RNF212: variants seen among roughly 807,000 people sequenced by gnomAD.
RNF212 encodes the protein probable E3 SUMO-protein ligase RNF212.
A neutral mutation model predicts 34.7 loss-of-function variants in RNF212; 33 were observed. The observed-to-expected ratio is 0.95, with a 90% CI of 0.72 to 1.27. The LOEUF (loss-of-function observed/expected upper bound fraction) is 1.27, where lower values mean the gene tolerates loss of function less well. RNF212 is among the 50% of genes most tolerant of loss of function. The pLI is 0.00. For missense variants in RNF212, 377 were observed against 362.2 expected, an observed-to-expected ratio of 1.04 and a Z score of -0.33; for synonymous variants, 140 against 136.1, an observed-to-expected ratio of 1.03 and a Z score of -0.20.
intron 4 of RNF212, among the ~76,000 whole-genome samples, chr4:1,089,927 C>T (rs986286838): frequency 2.0e-5 from 3 of 152,100 alleles, no homozygotes; most frequent in South Asian, 4.2e-4. Context: ...TATAAATTAC[C>T]GAATCTCAGG....
chr4:1,057,578 C>T (rs1292123139), intron 4 of RNF212, among the ~76,000 whole-genome samples: 1 of 152,144 alleles, frequency 6.6e-6, no homozygotes, highest in East Asian at 1.9e-4. Flanking sequence ...ACTGCCTGCC[C>T]CGGCCTTCTC....
intron 6 of RNF212, 46 bp downstream of exon 6, chr4:1,081,521 A>T (rs758371556): frequency 1.9e-6 from 3 of 1,605,286 alleles, no homozygotes; most frequent in Middle Eastern, 1.7e-4. Flanking sequence ...GTGACTCAGC[A>T]ACATGCATCT....
intron 2 of RNF212, among the ~76,000 whole-genome samples, chr4:1,099,406 G>C (rs1013685768): frequency 6.6e-6 from 1 of 152,196 alleles, no homozygotes; most frequent in African/African-American, 2.4e-5. Flanking sequence ...AGGGAAGAGG[G>C]GGAAATGGGG....
intron 7 of RNF212, among the ~76,000 whole-genome samples, chr4:1,080,770 C>G (rs1720207983): frequency 6.6e-6 from 1 of 152,208 alleles, no homozygotes; most frequent in African/African-American, 2.4e-5. Flanking sequence ...CTGTCCAGGA[C>G]CTGTAAGTAA....
intron 3 of RNF212, among the ~76,000 whole-genome samples, chr4:1,095,859 C>G (rs71604351): frequency 1.1e-3 from 56 of 52,018 alleles, no homozygotes; most frequent in Admixed American, 2.3e-3. Context: ...ACAGAACCAA[C>G]CACACCCCCC....
chr4:1,085,908 T>C lies in RNF212; in HGVS notation c.350A>G (p.Glu117Gly), dbSNP rs1307423835. The C allele has an allele frequency of 6.2e-7, 1 of 1,612,276 alleles. No homozygotes were observed. Among genetic ancestry groups the C allele is most frequent in the Non-Finnish European group, 8.5e-7 (1 of 1,178,906 alleles). Residue 117 changes from glutamate (E) to glycine (G), a missense_variant, in exon 5 of 10, where the codon GAA (glutamate) becomes GGA (glycine). Physicochemically the swap from Glu to Gly is moderately conservative, Grantham distance 98. Coordinates refer to ENST00000433731, the MANE Select transcript of RNF212 (RefSeq NM_001131034.4). ...TGGGGCGCCTTACCTTTGTAGTTGT[T>C]CTATCTGCAGCACTGACTTCCTAAG... ...ESLRKSVLQI[E>G]QLQSMRSSQQ...
chr4:1,058,423 C>T (rs1014708170), intron 3 of RNF212: 1 of 925,164 alleles, frequency 1.1e-6, no homozygotes, highest in Non-Finnish European at 1.3e-6. Flanking sequence ...AAACATGAGT[C>T]GTTCATGTTA....
chr4:1,056,467 C>T (rs1717336492), exon 5 of RNF212: 2 of 981,652 alleles, frequency 2.0e-6, no homozygotes, highest in Non-Finnish European at 1.2e-6. Flanking sequence ...GCGGTAAAAA[C>T]ACAACTTTGT....
downstream of RNF212, among the ~76,000 whole-genome samples, chr4:1,066,488 C>A (rs1718104203): frequency 6.6e-6 from 1 of 151,966 alleles, no homozygotes; most frequent in South Asian, 2.1e-4. Context: ...GCCCCCATGC[C>A]TAACTACTTT....
intron 3 of RNF212, among the ~76,000 whole-genome samples, chr4:1,063,504 A>G (rs2153033029): frequency 6.6e-6 from 1 of 152,170 alleles, no homozygotes. Context: ...TGAGGTCAGG[A>G]GTTTGAGACC....
At chr4:1,105,918 G>A (rs1434849469) in intron 2 of RNF212, among the ~76,000 whole-genome samples, 1 of 152,224 alleles carries the variant, frequency 6.6e-6, no homozygotes, top group African/African-American at 2.4e-5. Context: ...GAAGACCCTG[G>A]CTCCTGCAGG....
chr4:1,113,331 C>A (rs1218467388), intron 1 of RNF212, 25 bp downstream of exon 1: 1 of 1,530,788 alleles, frequency 6.5e-7, no homozygotes, highest in Admixed American at 1.9e-5. Context: ...CTCCCCTCTC[C>A]AGCCTGCGTT....
chr4:1,073,268 G>A, intron 9 of RNF212, 75 bp from the exon 10 acceptor site: 2 of 1,543,210 alleles, frequency 1.3e-6, no homozygotes, highest in South Asian at 2.5e-5. Context: ...CTGAGGGTGA[G>A]GGAGGGATTC....
In RNF212 at chr4:1,085,926, T is replaced by G. The variant is rs756119972; in HGVS notation, c.332A>C (p.Lys111Thr). The change falls in exon 5 of 10, where the codon AAG becomes ACG. Residue 111 changes from lysine (K) to threonine (T), a missense_variant. Physicochemically the swap from Lys to Thr is moderately conservative, Grantham distance 78 (BLOSUM62 -1). Coordinates refer to ENST00000433731, the MANE Select transcript of RNF212 (RefSeq NM_001131034.4). The part of the protein sequence containing the change: ...KISRLEESLR[K>T]SVLQIEQLQS... ...TAGTTGTTCTATCTGCAGCACTGAC[T>G]TCCTAAGGGATTCTTCCAACCTAGA... 6.2e-7 allele frequency: 1 copy of G among 1,612,256 alleles called. No homozygotes were observed. The highest frequency in any genetic ancestry group is 1.1e-5 in the South Asian group (1 of 91,060).
chr4:1,102,872 T>A (rs1207323232), intron 2 of RNF212, among the ~76,000 whole-genome samples: 24 of 136,618 alleles, frequency 1.8e-4, no homozygotes, highest in Admixed American at 6.2e-4. Context: ...CCGGGCACGG[T>A]GGCTCACACC....
chr4:1,108,792 C>T (rs1043097428), intron 1 of RNF212, among the ~76,000 whole-genome samples: 6 of 152,098 alleles, frequency 3.9e-5, no homozygotes, highest in South Asian at 2.1e-4. Flanking sequence ...TTGACACCCC[C>T]GGGCTCAACA....
chr4:1,101,679 G>T, intron 2 of RNF212: 1 of 204,158 alleles, frequency 4.9e-6, no homozygotes, highest in East Asian at 1.2e-4. Context: ...AACCTCTACT[G>T]AGTGTCATCC....
At chr4:1,077,929 T>A (rs993288825) in intron 8 of RNF212, among the ~76,000 whole-genome samples, 2 of 152,154 alleles carry the variant, frequency 1.3e-5, no homozygotes, top group African/African-American at 4.8e-5. Context: ...AGAGGTGAGC[T>A]GGGCAGGGAG....
intron 2 of RNF212, chr4:1,099,692 C>G (rs560322358): frequency 1.3e-5 from 6 of 456,042 alleles, no homozygotes; most frequent in South Asian, 4.6e-5. Context: ...GGTACAGTAA[C>G]GAGGATACAT....
Sources: gnomAD v4.1 joint callset for allele counts (sites outside exome capture counted in the v4.1 genomes callset) on GRCh38, gnomAD v4.1.1 for gene constraint, MANE v1.5 for transcripts, NCBI Gene and HGNC (gene_info 2026-07-23, HGNC 2026-07-21) for gene names.